MUC5B: variants seen among roughly 807,000 people sequenced by gnomAD.
MUC5B encodes mucin-5B.
MUC5B carries 116 observed loss-of-function variants against 376.9 expected under a neutral mutation model. The observed-to-expected ratio is 0.31, with a 90% CI of 0.26 to 0.36. MUC5B has a LOEUF of 0.36. MUC5B is among the 10% of genes least tolerant of loss of function. The probability of loss-of-function intolerance (pLI) is 1.00; values close to 1 mark genes in which losing one functional copy is unlikely to be tolerated. For synonymous variants in MUC5B, 3,517 were observed against 3,390.9 expected, an observed-to-expected ratio of 1.04 and a Z score of -1.29; for missense variants, 7,165 against 7,769.9, an observed-to-expected ratio of 0.92 and a Z score of 2.93.
chr11:1,235,131 G>A lies in MUC5B; in HGVS notation c.2677G>A (p.Gly893Ser). ...RWECSHRLCL[G>S]TCVAYGDGHF... The stretch of plus-strand genomic sequence containing the variant: ...GGAGTGCAGCCACCGGCTCTGCCTG[G>A]GCACCTGCGTGGCCTACGGGGATGG... Residue 893 changes from glycine to serine, a missense_variant, in exon 22 of 49, where the codon GGC becomes AGC. Coordinates refer to ENST00000529681, the MANE Select transcript of MUC5B (RefSeq NM_002458.3). 2 of 1,612,798 alleles carry A rather than the reference G, an allele frequency of 1.2e-6. No homozygotes were observed. Among genetic ancestry groups the A allele is most frequent in the Non-Finnish European group, 1.7e-6 (2 of 1,179,648 alleles).
At chr11:1,232,399 G>C in intron 15 of MUC5B, 51 bp from the exon 16 acceptor site, 2 of 1,539,572 alleles carry the variant, frequency 1.3e-6, no homozygotes, top group Non-Finnish European at 1.8e-6. Flanking sequence ...GCGTGTCAGG[G>C]GTGTGGGCTT....
Position 1,251,276 on chromosome 11 carries a change from T to C in MUC5B, c.14396T>C (p.Met4799Thr), listed in dbSNP as rs1306495608. The C allele has an allele frequency of 3.7e-6, 6 of 1,610,942 alleles. No homozygotes were observed. Among genetic ancestry groups the C allele is most frequent in the Non-Finnish European group, 4.2e-6 (5 of 1,178,172 alleles). The change falls in exon 31 of 49, where the codon ATG becomes ACG. Residue 4799 changes from methionine (M) to threonine (T), a missense_variant. This residue lies in a region of MUC5B where 730 missense variants were observed against 592.7 expected (regional missense o/e 1.23). Transcript: ENST00000529681. ...TSTVLTTTAT[M>T]TRATNSTATP... is the part of the protein sequence containing the mutation. ...ACAGTGCTGACCACCACAGCCACCA[T>C]GACAAGGGCCACCAATTCCACGGCC...
chr11:1,228,508 C>A, intron 7 of MUC5B, 56 bp from the exon 8 acceptor site: 1 of 1,441,282 alleles, frequency 6.9e-7, no homozygotes, highest in Non-Finnish European at 9.2e-7. Context: ...ATTCCAGCAC[C>A]GTGGCAGCCC....
rs868175722 is a variant in MUC5B at position 1,238,891 on chromosome 11, C to T, written c.3318C>T (p.Tyr1106=). 28 of 1,561,422 alleles carry T rather than the reference C, an allele frequency of 1.8e-5. No individual in the cohort carries two copies. Among genetic ancestry groups the T allele is most frequent in the East Asian group, 4.8e-5 (2 of 41,638 alleles). ...CGCAGGTTGACTCCACCAAGTACTA[C>T]GAGGCCTGCGTGAACGACGCGTGTG... ...CRSQVDSTKY[Y]EACVNDACAC... The change falls in exon 26 of 49, where the codon TAC becomes TAT. Residue 1106 remains tyrosine, a synonymous_variant. Coordinates refer to ENST00000529681, the MANE Select transcript of MUC5B (RefSeq NM_002458.3).
intron 9 of MUC5B, 126 bp from the exon 10 acceptor site, chr11:1,229,564 G>A (rs1236230481): frequency 4.5e-6 from 4 of 898,002 alleles, no homozygotes; most frequent in African/African-American, 1.7e-5. Context: ...TGCAGCTCAG[G>A]GCGGGGGCGG....
chr11:1,243,292 A>G lies in MUC5B; in HGVS notation c.6412A>G (p.Thr2138Ala). 6.4e-7 allele frequency: 1 copy of G among 1,556,822 alleles called. No homozygotes were observed. Among genetic ancestry groups the G allele is most frequent in the Admixed American group, 2.0e-5 (1 of 51,186 alleles). Residue 2138 changes from threonine (T) to alanine (A), a missense_variant, in exon 31 of 49, where the codon ACT becomes GCT. Transcript: ENST00000529681. ...GTPPSLTTTA[T>A]TITATGSTTN... ...TCCCCCATCACTGACCACCACGGCC[A>G]CTACGATCACGGCCACCGGCTCCAC...
chr11:1,238,580 G>C (rs1057373975), intron 25 of MUC5B, among the ~76,000 whole-genome samples: 7 of 152,204 alleles, frequency 4.6e-5, no homozygotes, highest in Admixed American at 2.0e-4. Context: ...GTGAAGGCAG[G>C]CAGATGGGCA....
chr11:1,234,962 G>A lies in MUC5B; in HGVS notation c.2631-123G>A. ...GGGACACCACTTCTTCCACGGAGGA[G>A]GGGTCAGGCTGGGCCTGGGGAGGCT... On this transcript the variant is annotated intron_variant, in intron 21 of 48. Coordinates refer to ENST00000529681, the MANE Select transcript of MUC5B (RefSeq NM_002458.3). The surrounding 1 kb of genome is among the most constrained non-coding windows in gnomAD (Gnocchi z 6.3). 7.5e-7 allele frequency: 1 copy of A among 1,332,452 alleles called. No homozygotes were observed. The highest frequency in any genetic ancestry group is 1.0e-6 in the Non-Finnish European group (1 of 1,001,916). 82.5% of individuals were successfully genotyped at this position (1,332,452 alleles called of 1,614,324 possible).
At position 1,246,463 on chromosome 11, in the gene MUC5B, G is replaced by A. The variant is rs374636622; in HGVS notation, c.9583G>A (p.Val3195Met). The change falls in exon 31 of 49, where the codon GTG becomes ATG. Residue 3195 changes from valine to methionine, a missense_variant. Physicochemically the swap from Val to Met is conservative, Grantham distance 21. Around this residue, in one of 31 missense-constraint regions of MUC5B, gnomAD observed 939 missense variants for 770.6 expected, o/e 1.22. Coordinates refer to ENST00000529681, the MANE Select transcript of MUC5B (RefSeq NM_002458.3). ...CCGGGCAACTGCTGGCACCCTCAAA[G>A]TGCTGACCAGCACGGCCACCACACC... is the stretch of plus-strand genomic sequence containing the variant. ...STRATAGTLK[V>M]LTSTATTPTV... 1.2e-6 allele frequency: 2 copies of A among 1,613,224 alleles called. No individual in the cohort carries two copies. The highest frequency in any genetic ancestry group is 2.7e-5 in the African/African-American group (2 of 74,720).
Position 1,242,266 on chromosome 11 carries a change from G to C in MUC5B, c.5386G>C (p.Val1796Leu), listed in dbSNP as rs769981957. 6.2e-7 allele frequency: 1 copy of C among 1,613,772 alleles called. No homozygotes were observed. The highest frequency in any genetic ancestry group is 8.5e-7 in the Non-Finnish European group (1 of 1,179,888). Reference sequence around the variant, plus strand: ...GTGTGAGTGGACAGAGTGGTTTGACGTGGACTTCCCAACCTCAGGGGTTGC... The same window carrying C: ...GTGTGAGTGGACAGAGTGGTTTGACCTGGACTTCCCAACCTCAGGGGTTGC... ...PKCEWTEWFD[V>L]DFPTSGVAGG... The change falls in exon 31 of 49, where the codon GTG (valine) becomes CTG (leucine). Residue 1796 changes from valine to leucine, a missense_variant. This residue lies in a region of MUC5B where 897 missense variants were observed against 779.6 expected (regional missense o/e 1.15). Coordinates refer to ENST00000529681, the MANE Select transcript of MUC5B (RefSeq NM_002458.3).
rs1210072749 is a variant in MUC5B at position 1,240,042 on chromosome 11, T to TA, written c.3729-2dup. On this transcript the variant is annotated splice_region_variant and splice_polypyrimidine_tract_variant and intron_variant, in intron 28 of 48. Coordinates refer to ENST00000529681, the MANE Select transcript of MUC5B (RefSeq NM_002458.3). ...CCTCAGCTCGCCTCTCCCCCACCCC[T>TA]AGTAACTGCACACCCAGTGGCATCC... 1 of 1,580,828 alleles carries TA rather than the reference T, an allele frequency of 6.3e-7. No homozygotes were observed. Among genetic ancestry groups the TA allele is most frequent in the Non-Finnish European group, 8.6e-7 (1 of 1,162,792 alleles).
Position 1,234,560 on chromosome 11 carries a change from G to A in MUC5B, c.2510G>A (p.Cys837Tyr). The change falls in exon 21 of 49, where the codon TGT becomes TAT. Residue 837 changes from cysteine to tyrosine, a missense_variant. Physicochemically the swap from Cys to Tyr is radical, Grantham distance 194 (BLOSUM62 -2). Around this residue, in one of 31 missense-constraint regions of MUC5B, gnomAD observed 530 missense variants for 604.0 expected, o/e 0.88. Transcript: ENST00000529681. This position sits in a 1 kb window ranked among gnomAD's most constrained non-coding sequence, Gnocchi z 6.3. ...FSTHCVSGCV[C>Y]PPGLVSDGSG... is the part of the protein sequence containing the mutation. The stretch of plus-strand genomic sequence containing the variant: ...ACACACTGCGTGTCCGGCTGTGTCT[G>A]TCCCCCGGGGCTGGTGTCGGATGGG... 6.3e-7 allele frequency: 1 copy of A among 1,582,836 alleles called. No homozygotes were observed. Among genetic ancestry groups the A allele is most frequent in the Non-Finnish European group, 8.6e-7 (1 of 1,165,350 alleles).
At position 1,246,382 on chromosome 11, in the gene MUC5B, A is replaced by T. The variant is rs534275183; in HGVS notation, c.9502A>T (p.Ser3168Cys). The change falls in exon 31 of 49, where the codon AGC becomes TGC. Residue 3168 changes from serine (S) to cysteine (C), a missense_variant. Transcript: ENST00000529681. ...GACCACCTGGATCCTCACAGAGCCCAGCACTACAGCCACCGTGACGGTGCC... is the reference window on the plus strand; with the variant it reads ...GACCACCTGGATCCTCACAGAGCCCTGCACTACAGCCACCGTGACGGTGCC... ...PGTTWILTEP[S>C]TTATVTVPTG... The T allele has an allele frequency of 6.2e-7, 1 of 1,613,592 alleles. No individual in the cohort carries two copies. The highest frequency in any genetic ancestry group is 8.5e-7 in the Non-Finnish European group (1 of 1,179,762).
At chr11:1,240,560 C>T (rs772607304) in intron 30 of MUC5B, among the ~76,000 whole-genome samples, 185 bp downstream of exon 30, 20 of 152,214 alleles carry the variant, frequency 1.3e-4, no homozygotes, top group Non-Finnish European at 2.5e-4. Flanking sequence ...CACGAAGCCT[C>T]AGCACAATGA....
rs1332812200 is a variant in MUC5B at position 1,245,358 on chromosome 11, G to A, written c.8478G>A (p.Gly2826=). ...CCACCGAGTCACCCCCTTCTCCAGGGACGACCACCCCGGGCCACACCAGGG... is the reference window on the plus strand; with the variant it reads ...CCACCGAGTCACCCCCTTCTCCAGGAACGACCACCCCGGGCCACACCAGGG... ...SRTTESPPSP[G]TTTPGHTRAT... Residue 2826 remains glycine, a synonymous_variant, in exon 31 of 49, where the codon GGG becomes GGA. Transcript: ENST00000529681. 8.8e-6 allele frequency: 14 copies of A among 1,587,834 alleles called. 1 individual carries two copies. The South Asian group carries it at 1.6e-4, about 18-fold the overall frequency.
At position 1,232,033 on chromosome 11, in the gene MUC5B, C is replaced by T. The variant is rs2133812003; in HGVS notation, c.1716C>T (p.Asp572=). ...CGNFNQNQAD[D]FTALSGVVEA... ...ACTTCAACCAGAACCAGGCTGACGA[C>T]TTCACGGCCCTCAGCGGGGTGGTGG... Residue 572 remains aspartate (D), a synonymous_variant, in exon 15 of 49, where the codon GAC becomes GAT. Coordinates refer to ENST00000529681, the MANE Select transcript of MUC5B (RefSeq NM_002458.3). 1.2e-6 allele frequency: 2 copies of T among 1,612,812 alleles called. No homozygotes were observed. The highest frequency in any genetic ancestry group is 4.5e-5 in the East Asian group (2 of 44,876).
rs1862104211 is a variant in MUC5B at position 1,234,193 on chromosome 11, C to T, written c.2378-12C>T. ...CTTCCCCAGGACCCCTCCCACCAAG[C>T]TCTGTCCCCAGGGTGTGCAGCCCCC... is the stretch of plus-strand genomic sequence containing the variant. On this transcript the variant is annotated splice_polypyrimidine_tract_variant and intron_variant, in intron 19 of 48. Coordinates refer to ENST00000529681, the MANE Select transcript of MUC5B (RefSeq NM_002458.3). This position sits in a 1 kb window ranked among gnomAD's most constrained non-coding sequence, Gnocchi z 6.3. 2.5e-6 allele frequency: 4 copies of T among 1,589,316 alleles called. No individual in the cohort carries two copies. Among genetic ancestry groups the T allele is most frequent in the Non-Finnish European group, 3.4e-6 (4 of 1,168,830 alleles).
In MUC5B at chr11:1,246,671, C is replaced by T. The variant is rs1397764673; in HGVS notation, c.9791C>T (p.Thr3264Ile). The T allele has an allele frequency of 3.1e-6, 5 of 1,611,186 alleles. No homozygotes were observed. Among genetic ancestry groups the T allele is most frequent in the East Asian group, 2.2e-5 (1 of 44,794 alleles). ...ACCACACCCACGGCCACCATGTCCA[C>T]AGCCACACCCTCCTCTACTCCAGAG... ...QTTTPTATMSTATPSSTPETV... is the reference protein window; with the variant it reads ...QTTTPTATMSIATPSSTPETV... Residue 3264 changes from threonine to isoleucine, a missense_variant, in exon 31 of 49, where the codon ACA becomes ATA. Around this residue, in one of 31 missense-constraint regions of MUC5B, gnomAD observed 939 missense variants for 770.6 expected, o/e 1.22. Transcript: ENST00000529681.
In MUC5B at chr11:1,243,878, C is replaced by T. The variant is rs1465290777; in HGVS notation, c.6998C>T (p.Pro2333Leu). ...GACTACAGCTACCCCATGCCGGGGC[C>T]CTCTGGCGGGGACTTTGACACCTAC... ...WLDYSYPMPG[P>L]SGGDFDTYSN... Residue 2333 changes from proline (P) to leucine (L), a missense_variant, in exon 31 of 49, where the codon CCC (proline) becomes CTC (leucine). By Grantham distance (98) the Pro-to-Leu change is moderately conservative. This residue lies in a region of MUC5B where 25 missense variants were observed against 103.9 expected (regional missense o/e 0.24). Coordinates refer to ENST00000529681, the MANE Select transcript of MUC5B (RefSeq NM_002458.3). The T allele has an allele frequency of 6.2e-7, 1 of 1,610,988 alleles. No homozygotes were observed. Among genetic ancestry groups the T allele is most frequent in the Admixed American group, 1.7e-5 (1 of 59,956 alleles).
Sources: allele counts gnomAD v4.1 joint callset (sites outside exome capture counted in the v4.1 genomes callset), GRCh38; gene constraint gnomAD v4.1.1; regional missense constraint gnomAD v4.1.1; non-coding constraint Gnocchi (gnomAD v3.1); transcripts MANE v1.5; gene names NCBI Gene and HGNC (gene_info 2026-07-23, HGNC 2026-07-21).